NBPF14: variants seen among roughly 807,000 people sequenced by gnomAD.
The protein encoded by NBPF14 is NBPF family member NBPF14.
NBPF14 carries 104 observed loss-of-function variants against 91.2 expected under a neutral mutation model. The ratio of observed to expected loss-of-function variants is 1.14; its 90% CI spans 0.97 to 1.34. The LOEUF (loss-of-function observed/expected upper bound fraction) is 1.34. Ranked by LOEUF, NBPF14 falls within the 40% of genes most tolerant of loss-of-function variation. The probability of loss-of-function intolerance (pLI) is 0.00; values close to 1 mark genes in which losing one functional copy is unlikely to be tolerated. For missense variants in NBPF14, 908 were observed against 783.0 expected, an observed-to-expected ratio of 1.16 and a Z score of -1.91; for synonymous variants, 294 against 303.8, an observed-to-expected ratio of 0.97 and a Z score of 0.34.
chr1:148,534,913 C>A, intron 68 of NBPF14, 57 bp from the exon 69 acceptor site: 3 of 724,892 alleles, frequency 4.1e-6, no homozygotes. Context: ...ACCACACAGC[C>A]CCAGCTAGAT....
chr1:148,595,167 A>G (rs1663107056), intron 2 of NBPF14, among the ~76,000 whole-genome samples: 1 of 146,572 alleles, frequency 6.8e-6, no homozygotes, highest in East Asian at 2.0e-4. Context: ...AACTGAATAA[A>G]AGTTCACTAG....
chr1:148,574,486 G>GAT (rs1659504281), intron 18 of NBPF14, among the ~76,000 whole-genome samples: 1 of 41,024 alleles, frequency 2.4e-5, no homozygotes, highest in Non-Finnish European at 5.1e-5. Context: ...GAGAGAGAGA[G>GAT]AGAACGAGCT....
At chr1:148,566,278 C>G in exon 29 of NBPF14, 1 of 669,002 alleles carries the variant, frequency 1.5e-6, no homozygotes, top group Admixed American at 2.1e-5. Flanking sequence ...TCCTGCAAGA[C>G]TTCAGGCTCT....
intron 28 of NBPF14, 74 bp from the exon 29 acceptor site, chr1:148,566,389 G>A (rs1324249162): frequency 2.8e-6 from 2 of 702,392 alleles, no homozygotes; most frequent in South Asian, 1.5e-5. Context: ...AGGTTTCATG[G>A]GTAGCATAGG....
chr1:148,533,518 G>A lies in NBPF14; in HGVS notation c.8724-270C>T, dbSNP rs1570886123. ...TTGGCCAGGTGACATACTGGTAAGG[G>A]AGTCAAAGGACACTCTGAGTTAGTG... On this transcript the variant is annotated intron_variant, in intron 70 of 70. Transcript: ENST00000619423. Among the ~76,000 whole-genome samples the A allele has an allele frequency of 2.0e-5, 3 of 151,194 alleles. No individual in the cohort carries two copies. The South Asian group carries it at 6.3e-4, about 32-fold the overall frequency.
intron 37 of NBPF14, among the ~76,000 whole-genome samples, chr1:148,559,465 G>C (rs1657237099): frequency 2.3e-5 from 3 of 131,122 alleles, no homozygotes; most frequent in Admixed American, 7.4e-5. Context: ...GCTGAAATTA[G>C]AGTGAAGGAT....
At chr1:148,579,263 G>A in intron 12 of NBPF14, 26 bp from the exon 13 acceptor site, 1 of 307,014 alleles carries the variant, frequency 3.3e-6, no homozygotes, top group Non-Finnish European at 5.6e-6. Flanking sequence ...GGACAGGGAT[G>A]ATAGAAGATT....
chr1:148,542,075 T>A (rs1272887427), intron 59 of NBPF14, among the ~76,000 whole-genome samples: 1 of 94,662 alleles, frequency 1.1e-5, no homozygotes, highest in East Asian at 5.0e-4. Context: ...CAATATCATT[T>A]GTCCCAAGTT....
intron 36 of NBPF14, among the ~76,000 whole-genome samples, chr1:148,560,215 A>C (rs1374071877): frequency 1.3e-5 from 2 of 151,076 alleles, no homozygotes; most frequent in African/African-American, 4.9e-5. Context: ...GACCTAGTGA[A>C]TTGGCCAGGT....
Position 148,557,514 on chromosome 1 carries a change from T to G in NBPF14, c.4983A>C (p.Glu1661Asp). ...ACCTGGGGCATGGTGGGTCTTGGTC[T>G]TCTTCCTCTTCTTCGTCCTTTTTAA... The change falls in exon 40 of 71, where the codon GAA becomes GAC. Residue 1661 changes from glutamate (E) to aspartate (D), a missense_variant. By Grantham distance (45) the Glu-to-Asp change is conservative. This residue lies in a region of NBPF14 where 7 missense variants were observed against 43.6 expected (regional missense o/e 0.16). Coordinates refer to ENST00000619423, the Ensembl canonical transcript of NBPF14. The G allele has an allele frequency of 2.8e-6, 3 of 1,059,030 alleles. 1 individual carries two copies. Among genetic ancestry groups the G allele is most frequent in the South Asian group, 2.9e-5 (2 of 69,948 alleles). The allele number at this position is 1,059,030 out of a possible 1,614,324, so 65.6% of individuals were successfully genotyped here.
intron 70 of NBPF14, among the ~76,000 whole-genome samples, 189 bp downstream of exon 70, chr1:148,533,672 G>A (rs1464824101): frequency 9.4e-5 from 14 of 149,588 alleles, no homozygotes; most frequent in East Asian, 4.0e-4. Flanking sequence ...CCTATGGTAC[G>A]TTAGGAAATG....
Position 148,580,909 on chromosome 1 carries a change from C to G in NBPF14, c.1638-1672G>C, listed in dbSNP as rs1211715224. Among the ~76,000 whole-genome samples, 10 of 103,688 alleles carry G rather than the reference C, an allele frequency of 9.6e-5. No homozygotes were observed. The East Asian group carries it at 2.2e-3, about 22-fold the overall frequency. 68.0% of individuals were successfully genotyped at this position (103,688 alleles called of 152,430 possible). ...TCTTAGGGTACATGTGCACAACGTG[C>G]AGGTTAGTTACATATGTATACATGT... On this transcript the variant is annotated intron_variant, in intron 12 of 70. Coordinates refer to ENST00000619423, the Ensembl canonical transcript of NBPF14.
intron 28 of NBPF14, among the ~76,000 whole-genome samples, chr1:148,566,539 ACAAAC>A (rs1658402740): frequency 5.5e-4 from 67 of 122,268 alleles, no homozygotes; most frequent in Middle Eastern, 4.4e-3. Flanking sequence ...ACACACACAC[ACAAAC>A]ACACACACAC....
intron 3 of NBPF14, 94 bp downstream of exon 3, chr1:148,593,504 G>C: frequency 1.4e-6 from 1 of 728,180 alleles, no homozygotes; most frequent in East Asian, 2.5e-5. Flanking sequence ...CCCTTCCCCT[G>C]GCCCAGCTTC....
intron 20 of NBPF14, 35 bp from the exon 21 acceptor site, chr1:148,572,650 G>A (rs1466186495): frequency 3.1e-6 from 2 of 636,698 alleles, no homozygotes; most frequent in South Asian, 3.2e-5. Context: ...AATAAGCCAG[G>A]GGGAATCAGA....
At position 148,557,707 on chromosome 1, in the gene NBPF14, T is replaced by G. The variant is rs1656918740; in HGVS notation, c.4955-165A>C. Among the ~76,000 whole-genome samples, 3 of 130,524 alleles carry G rather than the reference T, an allele frequency of 2.3e-5. 1 individual carries two copies. The highest frequency in any genetic ancestry group is 7.6e-5 in the Admixed American group (1 of 13,232). 85.6% of individuals were successfully genotyped at this position (130,524 alleles called of 152,430 possible). A position where few individuals can be genotyped will look rare whatever the true frequency, so the allele number is the denominator to read the frequency against. ...CCTGAAAGCTGGTCATGATATTCCT[T>G]GCTTTGCATCTCAGAACCAAGGGTG... On this transcript the variant is annotated intron_variant, in intron 39 of 70. Coordinates refer to ENST00000619423, the Ensembl canonical transcript of NBPF14.
intron 21 of NBPF14, among the ~76,000 whole-genome samples, 156 bp downstream of exon 21, chr1:148,572,287 A>G (rs1447834475): frequency 6.4e-3 from 29 of 4,500 alleles, no homozygotes; most frequent in Admixed American, 9.5e-3. Context: ...TAGGCTTCCA[A>G]CTGAGACTAC....
chr1:148,535,332 G>A, intron 68 of NBPF14, 121 bp downstream of exon 68: 3 of 592,606 alleles, frequency 5.1e-6, no homozygotes, highest in Admixed American at 6.1e-5. Context: ...CAACAGCAAT[G>A]TCAGTAGGAG....
chr1:148,534,534 A>G, intron 69 of NBPF14, 150 bp downstream of exon 69: 2 of 710,568 alleles, frequency 2.8e-6, no homozygotes, highest in Non-Finnish European at 5.2e-6. Context: ...TCCAGCTGAG[A>G]CTACAGTTTC....
Sources: gnomAD v4.1 joint callset for allele counts (sites outside exome capture counted in the v4.1 genomes callset) on GRCh38, gnomAD v4.1.1 for gene constraint, gnomAD v4.1.1 regional missense constraint, MANE v1.5 for transcripts, NCBI Gene and HGNC (gene_info 2026-07-23, HGNC 2026-07-21) for gene names.